CHCHD3: variants seen among roughly 807,000 people sequenced by gnomAD.
CHCHD3 encodes coiled-coil-helix-coiled-coil-helix domain containing 3.
Under a neutral mutation model 38.2 loss-of-function variants are expected in CHCHD3, and 20 were observed. The observed-to-expected ratio is 0.52, with a 90% CI of 0.37 to 0.76. The LOEUF is 0.76. Among genes scored for constraint, CHCHD3 ranks in the 30% least tolerant of loss-of-function variants. CHCHD3 has a pLI of 0.00. For synonymous variants in CHCHD3, 82 were observed against 100.0 expected, an observed-to-expected ratio of 0.82 and a Z score of 1.07; for missense variants, 245 against 279.2, an observed-to-expected ratio of 0.88 and a Z score of 0.87.
At chr7:133,056,137 A>T (rs1814324160) in intron 2 of CHCHD3, among the ~76,000 whole-genome samples, 1 of 151,640 alleles carries the variant, frequency 6.6e-6, no homozygotes, top group Admixed American at 6.6e-5. Flanking sequence ...ACAGAGCAAG[A>T]CTATGCCTCA....
At chr7:132,983,498 A>C (rs1361117543) in intron 3 of CHCHD3, among the ~76,000 whole-genome samples, 1 of 152,220 alleles carries the variant, frequency 6.6e-6, no homozygotes, top group Non-Finnish European at 1.5e-5. Context: ...TCCTGTTGCT[A>C]TTGTAGCGAG....
chr7:133,053,838 T>C (rs578031226), intron 2 of CHCHD3, among the ~76,000 whole-genome samples: 26 of 152,360 alleles, frequency 1.7e-4, no homozygotes, highest in African/African-American at 5.8e-4. Flanking sequence ...CTTCTGGCTA[T>C]GATCTTTGTT....
chr7:132,961,034 T>G (rs1319596282), intron 4 of CHCHD3, among the ~76,000 whole-genome samples: 1 of 152,028 alleles, frequency 6.6e-6, no homozygotes, highest in Non-Finnish European at 1.5e-5. Flanking sequence ...ATCCCAGCAC[T>G]TTGGGAGGCC....
At chr7:132,904,541 A>G (rs55775144) in intron 4 of CHCHD3, among the ~76,000 whole-genome samples, 14,487 of 152,222 alleles carry the variant, frequency 0.095, 1,312 homozygotes, top group East Asian at 0.31. Flanking sequence ...CCACAATGAG[A>G]TACCATCTCA....
At chr7:133,034,823 G>C in intron 2 of CHCHD3, 1 of 1,611,584 alleles carries the variant, frequency 6.2e-7, no homozygotes, top group Non-Finnish European at 8.5e-7. Context: ...AGCTGCTATT[G>C]TTGGTTCCAA....
At chr7:133,046,674 C>T (rs1276918492) in intron 2 of CHCHD3, among the ~76,000 whole-genome samples, 11 of 152,014 alleles carry the variant, frequency 7.2e-5, no homozygotes, top group South Asian at 2.1e-4. Context: ...GCCATTCTCC[C>T]GCCTCAGCCT....
rs191356872 is a variant in CHCHD3 at position 132,797,216 on chromosome 7, T to C, written c.525-639A>G. On this transcript the variant is annotated intron_variant, in intron 6 of 7. Transcript: ENST00000262570. ...CCCAACCCTGCACACAGCTGAAGCC[T>C]GGACAAACCCAATTCAGGGTTTCGT... 2.6e-5 allele frequency among the ~76,000 whole-genome samples: 4 copies of C among 152,080 alleles called. No individual in the cohort carries two copies. The East Asian group carries it at 7.7e-4, about 29-fold the overall frequency.
At chr7:133,023,338 G>A (rs1157731810) in intron 3 of CHCHD3, among the ~76,000 whole-genome samples, 3 of 151,954 alleles carry the variant, frequency 2.0e-5, no homozygotes, top group Non-Finnish European at 4.4e-5. Context: ...GAGTTAGTTT[G>A]TCAAAAGAAA....
chr7:133,015,342 C>CA (rs1812999336), intron 3 of CHCHD3, among the ~76,000 whole-genome samples: 1 of 54,752 alleles, frequency 1.8e-5, no homozygotes, highest in Non-Finnish European at 4.5e-5. Context: ...GACAACGTCT[C>CA]AAAAATTAAA....
At chr7:132,816,978 G>C (rs190812868) in intron 6 of CHCHD3, among the ~76,000 whole-genome samples, 34 of 152,276 alleles carry the variant, frequency 2.2e-4, no homozygotes, top group African/African-American at 8.2e-4. Flanking sequence ...ATGGAAGTAG[G>C]TTCAACTATG....
chr7:132,917,765 A>G (rs1274424621), intron 4 of CHCHD3, among the ~76,000 whole-genome samples: 2 of 147,674 alleles, frequency 1.4e-5, no homozygotes, highest in African/African-American at 5.0e-5. Flanking sequence ...AGGCTGAGGC[A>G]GGAGAATGAC....
intron 6 of CHCHD3, among the ~76,000 whole-genome samples, chr7:132,798,736 G>A (rs977715595): frequency 6.6e-6 from 1 of 152,068 alleles, no homozygotes; most frequent in Admixed American, 6.5e-5. Flanking sequence ...GTAAAAATGA[G>A]CATCCACACA....
At chr7:132,965,887 T>C (rs1430482878) in intron 4 of CHCHD3, among the ~76,000 whole-genome samples, 1 of 152,180 alleles carries the variant, frequency 6.6e-6, no homozygotes, top group Non-Finnish European at 1.5e-5. Flanking sequence ...TCATAAAAGA[T>C]GGAAGAAGGG....
chr7:132,898,565 C>A (rs1809570807), intron 4 of CHCHD3, among the ~76,000 whole-genome samples: 1 of 152,262 alleles, frequency 6.6e-6, no homozygotes, highest in African/African-American at 2.4e-5. Flanking sequence ...CGCACCCAGG[C>A]TGCAGGTGGA....
chr7:133,075,325 G>C (rs898541573), intron 1 of CHCHD3, among the ~76,000 whole-genome samples: 1 of 152,016 alleles, frequency 6.6e-6, no homozygotes, highest in Non-Finnish European at 1.5e-5. Flanking sequence ...CATATTGTAC[G>C]GCTGCCTTAT....
intron 3 of CHCHD3, among the ~76,000 whole-genome samples, chr7:133,005,004 CAATTTCAATATAT>C (rs1280551476): frequency 5.3e-5 from 8 of 151,952 alleles, no homozygotes; most frequent in African/African-American, 1.7e-4. Flanking sequence ...GGGTTCAATG[CAATTTCAATATAT>C]TATTTCAATA....
At chr7:132,945,424 C>T (rs1049125095) in intron 4 of CHCHD3, among the ~76,000 whole-genome samples, 1 of 151,768 alleles carries the variant, frequency 6.6e-6, no homozygotes, top group Non-Finnish European at 1.5e-5. Context: ...TATGTATAAA[C>T]ATATTCACAC....
At chr7:132,861,529 T>C (rs957070844) in intron 5 of CHCHD3, among the ~76,000 whole-genome samples, 2 of 152,162 alleles carry the variant, frequency 1.3e-5, no homozygotes, top group Admixed American at 6.6e-5. Flanking sequence ...TCTTGGAACA[T>C]AGTTGGATAT....
chr7:132,791,797 C>G (rs1003039493), intron 7 of CHCHD3, among the ~76,000 whole-genome samples: 1 of 152,128 alleles, frequency 6.6e-6, no homozygotes, highest in Non-Finnish European at 1.5e-5. Flanking sequence ...AACGAGACAA[C>G]GGGGTGCACT....
Sources: allele counts gnomAD v4.1 joint callset (sites outside exome capture counted in the v4.1 genomes callset), GRCh38; gene constraint gnomAD v4.1.1; transcripts MANE v1.5; gene names NCBI Gene and HGNC (gene_info 2026-07-23, HGNC 2026-07-21).